The following PAX7 variants were observed in gnomAD, a reference collection of about 807,000 sequenced individuals.
PAX7 encodes paired box 7, also known as paired box protein Pax-7.
In PAX7, 18 loss-of-function variants were observed where a neutral mutation model predicts 50.7. The observed-to-expected ratio is 0.36, with a 90% CI of 0.25 to 0.53. PAX7 has a LOEUF of 0.53. Ranked by LOEUF, PAX7 falls within the 20% of genes least tolerant of loss-of-function variation. The pLI, the probability that PAX7 is intolerant of heterozygous loss-of-function variation, is 0.93. For missense variants in PAX7, 644 were observed against 702.9 expected, an observed-to-expected ratio of 0.92 and a Z score of 0.95; for synonymous variants, 310 against 290.4, an observed-to-expected ratio of 1.07 and a Z score of -0.69.
chr1:18,632,847 A>G lies in PAX7; in HGVS notation c.85+1159A>G, dbSNP rs1196278867. On this transcript the variant is annotated intron_variant, in intron 1 of 8. Transcript: ENST00000420770. This position sits in a 1 kb window ranked among gnomAD's most constrained non-coding sequence, Gnocchi z 6.3. ...ATCAAGTGCGCGCCGGCAGCCACGC[A>G]GGCGGGAGAGCGCGCAAACCCGGGG... 6.6e-6 allele frequency among the ~76,000 whole-genome samples: 1 copy of G among 152,178 alleles called. No individual in the cohort carries two copies. Among genetic ancestry groups the G allele is most frequent in the Non-Finnish European group, 1.5e-5 (1 of 68,034 alleles).
intron 5 of PAX7, among the ~76,000 whole-genome samples, chr1:18,692,878 C>T (rs2089094667): frequency 6.6e-6 from 1 of 152,146 alleles, no homozygotes; most frequent in Non-Finnish European, 1.5e-5. Flanking sequence ...GACTGCCCCG[C>T]CTGCTCTCTG....
At chr1:18,730,894 G>C (rs1042997213) in intron 7 of PAX7, among the ~76,000 whole-genome samples, 10 of 151,074 alleles carry the variant, frequency 6.6e-5, no homozygotes, top group Non-Finnish European at 1.5e-4. Context: ...AGTAGAGGGA[G>C]AGGAAGGGGT....
In PAX7 at chr1:18,636,521, G is replaced by C; in HGVS notation, c.586+150G>C. 9.4e-7 allele frequency: 1 copy of C among 1,060,980 alleles called. No individual in the cohort carries two copies. Among genetic ancestry groups the C allele is most frequent in the Non-Finnish European group, 1.3e-6 (1 of 742,498 alleles). The allele number at this position is 1,060,980 out of a possible 1,614,324, so 65.7% of individuals were successfully genotyped here. On this transcript the variant is annotated intron_variant, in intron 4 of 8. Transcript: ENST00000420770. The surrounding 1 kb of genome is among the most constrained non-coding windows in gnomAD (Gnocchi z 5.1). ...TGCGGGGCAGCTGGGAGCCGCTCAG[G>C]CTTTGCCGACAGCGCCCCCTCGGTG...
rs1553145063 is a variant in PAX7 at position 18,744,697 on chromosome 1, G to GATGGATGGATGGATGGATAGATAA, written c.1403-99_1403-98insAGATAAATGGATGGATGGATGGAT. On this transcript the variant is annotated intron_variant, in intron 8 of 8. Transcript: ENST00000420770. ...GGATGGATGGATGGATAAATGGATG[G>GATGGATGGATGGATGGATAGATAA]ATGGATGGATGGATGGATGGATGGA... 6.2e-6 allele frequency: 3 copies of GATGGATGGATGGATGGATAGATAA among 487,790 alleles called. No individual in the cohort carries two copies. The African/African-American group carries it at 8.2e-5, about 13-fold the overall frequency. The allele number at this position is 487,790 out of a possible 1,614,324, so 30.2% of individuals were successfully genotyped here. A position where few individuals can be genotyped will look rare whatever the true frequency, so the allele number is the denominator to read the frequency against.
chr1:18,641,126 A>G (rs1301012882), intron 4 of PAX7, among the ~76,000 whole-genome samples: 4 of 152,278 alleles, frequency 2.6e-5, no homozygotes, highest in African/African-American at 9.6e-5. Flanking sequence ...CAAAGTCTGC[A>G]AACTGTTTGC....
chr1:18,672,600 T>TTTG (rs2088767255), intron 4 of PAX7, among the ~76,000 whole-genome samples: 1 of 146,734 alleles, frequency 6.8e-6, no homozygotes, highest in East Asian at 2.0e-4. Context: ...CACTGTGTTT[T>TTTG]TTTTTTTTTT....
chr1:18,746,770 G>A lies in PAX7; in HGVS notation c.*1841G>A. On this transcript the variant is annotated 3_prime_UTR_variant, in exon 9 of 9. Transcript: ENST00000420770. ...TGGCAAGATTCTAGGACACTCACCT[G>A]CATGGACATCACCTCTGTGACAAAT... The A allele has an allele frequency of 4.3e-6, 1 of 231,872 alleles. No homozygotes were observed. The highest frequency in any genetic ancestry group is 8.5e-6 in the Non-Finnish European group (1 of 117,124). The allele number at this position is 231,872 out of a possible 1,614,324, so 14.4% of individuals were successfully genotyped here. A position where few individuals can be genotyped will look rare whatever the true frequency, so the allele number is the denominator to read the frequency against.
chr1:18,708,324 G>A (rs1380004763), intron 7 of PAX7, among the ~76,000 whole-genome samples: 1 of 152,128 alleles, frequency 6.6e-6, no homozygotes, highest in Non-Finnish European at 1.5e-5. Flanking sequence ...GGGAGGCCGA[G>A]GTGGGAGGAT....
chr1:18,711,535 C>T (rs2089351742), intron 7 of PAX7, among the ~76,000 whole-genome samples: 1 of 152,112 alleles, frequency 6.6e-6, no homozygotes, highest in Non-Finnish European at 1.5e-5. Flanking sequence ...GTTCTGCTGA[C>T]CTAAGTCTGG....
At position 18,746,025 on chromosome 1, in the gene PAX7, C is replaced by T; in HGVS notation, c.*1096C>T. The stretch of plus-strand genomic sequence containing the variant: ...GGCCCGAGCCCATCCTTACCATGCC[C>T]CATCCTCTAGGAAGAGGTCTCCATC... On this transcript the variant is annotated 3_prime_UTR_variant, in exon 9 of 9. Transcript: ENST00000420770. 4.3e-6 allele frequency: 1 copy of T among 231,188 alleles called. No homozygotes were observed. The highest frequency in any genetic ancestry group is 8.6e-6 in the Non-Finnish European group (1 of 116,756). The allele number at this position is 231,188 out of a possible 1,614,324, so 14.3% of individuals were successfully genotyped here. A position where few individuals can be genotyped will look rare whatever the true frequency, so the allele number is the denominator to read the frequency against.
chr1:18,641,616 C>T (rs2088255875), intron 4 of PAX7, among the ~76,000 whole-genome samples: 1 of 152,132 alleles, frequency 6.6e-6, no homozygotes, highest in Admixed American at 6.5e-5. Flanking sequence ...CTAGTGTGCA[C>T]GGCGCAGCGG....
intron 4 of PAX7, among the ~76,000 whole-genome samples, chr1:18,691,002 C>G (rs1448845953): frequency 6.6e-6 from 1 of 152,174 alleles, no homozygotes; most frequent in Non-Finnish European, 1.5e-5. Context: ...TTTGATGAGA[C>G]AGGGTCTTGC....
chr1:18,699,245 A>T (rs1222216068), intron 5 of PAX7, among the ~76,000 whole-genome samples: 1 of 152,158 alleles, frequency 6.6e-6, no homozygotes, highest in African/African-American at 2.4e-5. Context: ...CAAGAAACAG[A>T]TATATAGAAT....
intron 4 of PAX7, among the ~76,000 whole-genome samples, chr1:18,673,110 G>A (rs527879904): frequency 3.9e-5 from 6 of 152,252 alleles, no homozygotes; most frequent in Middle Eastern, 3.4e-3. Flanking sequence ...TCCGACTCCC[G>A]ATGGGCCTGG....
intron 8 of PAX7, among the ~76,000 whole-genome samples, chr1:18,738,065 T>C (rs900639801): frequency 6.6e-5 from 10 of 152,172 alleles, no homozygotes; most frequent in African/African-American, 2.4e-4. Flanking sequence ...TGTTTGAGTA[T>C]GTCATAGGTG....
intron 5 of PAX7, among the ~76,000 whole-genome samples, chr1:18,692,948 C>T (rs1335154444): frequency 6.6e-6 from 1 of 152,152 alleles, no homozygotes; most frequent in African/African-American, 2.4e-5. Context: ...CCTCACCTCC[C>T]CAGGCCAAAC....
At chr1:18,734,978 G>C (rs1473698241) in intron 7 of PAX7, among the ~76,000 whole-genome samples, 2 of 152,264 alleles carry the variant, frequency 1.3e-5, no homozygotes, top group East Asian at 3.9e-4. Flanking sequence ...TCCTATTTGC[G>C]GAACCTGGCC....
In PAX7 at chr1:18,735,889, G is replaced by A. The variant is rs1288599572; in HGVS notation, c.1402+11G>A. 3 of 1,613,934 alleles carry A rather than the reference G, an allele frequency of 1.9e-6. No individual in the cohort carries two copies. Among genetic ancestry groups the A allele is most frequent in the African/African-American group, 2.7e-5 (2 of 74,918 alleles). ...GCCAGTACGGCCAGAGTGAGTGCCTGGTGCCCTGGGCGTCCCCCGTCCCCA... is the reference window on the plus strand; with the variant it reads ...GCCAGTACGGCCAGAGTGAGTGCCTAGTGCCCTGGGCGTCCCCCGTCCCCA... On this transcript the variant is annotated intron_variant, in intron 8 of 8. Coordinates refer to ENST00000420770, the MANE Select transcript of PAX7 (RefSeq NM_001135254.2). The surrounding 1 kb of genome is among the most constrained non-coding windows in gnomAD (Gnocchi z 4.0).
At chr1:18,729,486 G>A (rs1200674225) in intron 7 of PAX7, among the ~76,000 whole-genome samples, 1 of 152,244 alleles carries the variant, frequency 6.6e-6, no homozygotes, top group Non-Finnish European at 1.5e-5. Flanking sequence ...GTGTGTGCAT[G>A]TGTAAGTGTA....
Sources: gnomAD v4.1 joint callset for allele counts (sites outside exome capture counted in the v4.1 genomes callset) on GRCh38, gnomAD v4.1.1 for gene constraint, Gnocchi (gnomAD v3.1) non-coding constraint, MANE v1.5 for transcripts, NCBI Gene and HGNC (gene_info 2026-07-23, HGNC 2026-07-21) for gene names.